Variants in ADCY1 observed in about 807,000 individuals in gnomAD.
ADCY1 encodes the protein adenylate cyclase type 1.
ADCY1 carries 28 observed loss-of-function variants against 105.4 expected under a neutral mutation model. That is an observed-to-expected ratio of 0.27 (90% CI 0.20 to 0.36). ADCY1 has a LOEUF of 0.36. Among genes scored for constraint, ADCY1 ranks in the 10% least tolerant of loss-of-function variants. The pLI is 1.00. For missense variants in ADCY1, 977 were observed against 1,434.2 expected (o/e 0.68, Z 5.15); for synonymous variants, 655 against 623.8 (o/e 1.05, Z -0.75).
intron 5 of ADCY1, among the ~76,000 whole-genome samples, chr7:45,655,435 G>A (rs556470381): frequency 1.3e-5 from 2 of 152,338 alleles, no homozygotes; most frequent in East Asian, 3.9e-4. Flanking sequence ...ATAAAGCCAA[G>A]AAAGTCCGTG....
chr7:45,722,741 G>A lies in ADCY1; in HGVS notation c.*8746G>A, dbSNP rs1483257782. ...CTCTATGGAATGGAGAGTGATGTGG[G>A]CAAGGGTGTCATTTTCTCGCACAAT... On this transcript the variant is annotated 3_prime_UTR_variant, in exon 20 of 20. Transcript: ENST00000297323. 6.6e-6 allele frequency: 1 copy of A among 152,566 alleles called. No homozygotes were observed. The highest frequency in any genetic ancestry group is 1.5e-5 in the Non-Finnish European group (1 of 68,016). The allele number at this position is 152,566 out of a possible 1,614,324, so 9.5% of individuals were successfully genotyped here.
At chr7:45,578,382 A>G (rs10807926) in intron 1 of ADCY1, among the ~76,000 whole-genome samples, 63,417 of 151,984 alleles carry the variant, frequency 0.42, 13,552 homozygotes, top group East Asian at 0.53. Flanking sequence ...TTGGGTCACT[A>G]ATTGTACCTA....
At position 45,699,125 on chromosome 7, in the gene ADCY1, T is replaced by G. The variant is rs571450142; in HGVS notation, c.2455-4251T>G. On this transcript the variant is annotated intron_variant, in intron 14 of 19. Coordinates refer to ENST00000297323, the MANE Select transcript of ADCY1 (RefSeq NM_021116.4). ...TGCCTGGGAGAAGCCTTAGCCAGCT[T>G]GCTGGGCTCAGCCTGGACATCCAGG... is the stretch of plus-strand genomic sequence containing the variant. Among the ~76,000 whole-genome samples the G allele has an allele frequency of 3.3e-5, 5 of 152,318 alleles. No individual in the cohort carries two copies. In the East Asian group the frequency reaches 9.7e-4, roughly 29 times the overall value.
rs930260103 is a variant in ADCY1 at position 45,595,469 on chromosome 7, C to T, written c.789+2561C>T. On this transcript the variant is annotated intron_variant, in intron 2 of 19. Coordinates refer to ENST00000297323, the MANE Select transcript of ADCY1 (RefSeq NM_021116.4). ...TTGTCACCTCCTGTTTCCCCTGCCC[C>T]TTTCCGTTTACTAAGGCTGACGGCG... is the stretch of plus-strand genomic sequence containing the variant. Among the ~76,000 whole-genome samples the T allele has an allele frequency of 4.6e-5, 7 of 152,326 alleles. No homozygotes were observed. In the East Asian group the frequency reaches 1.4e-3, roughly 29 times the overall value.
chr7:45,676,690 G>A (rs994125630), intron 8 of ADCY1, among the ~76,000 whole-genome samples: 1 of 152,112 alleles, frequency 6.6e-6, no homozygotes, highest in African/African-American at 2.4e-5. Flanking sequence ...TTACCACTCA[G>A]TGGAGATGAG....
intron 1 of ADCY1, among the ~76,000 whole-genome samples, chr7:45,581,021 G>A (rs550436970): frequency 2.6e-4 from 40 of 152,298 alleles, no homozygotes; most frequent in Non-Finnish European, 5.1e-4. Flanking sequence ...AAATGTCCTT[G>A]GACCATTTCC....
intron 1 of ADCY1, among the ~76,000 whole-genome samples, chr7:45,576,246 G>C (rs1434854513): frequency 1.3e-5 from 2 of 152,156 alleles, no homozygotes; most frequent in Non-Finnish European, 2.9e-5. Flanking sequence ...AGAATAACTG[G>C]GGGGCGGTGG....
At chr7:45,683,175 T>G (rs1784595230) in intron 11 of ADCY1, among the ~76,000 whole-genome samples, 2 of 152,160 alleles carry the variant, frequency 1.3e-5, no homozygotes, top group African/African-American at 4.8e-5. Context: ...TAGTGAACAT[T>G]CATATGGGAC....
intron 2 of ADCY1, among the ~76,000 whole-genome samples, chr7:45,605,512 A>G (rs935321554): frequency 1.3e-5 from 2 of 151,924 alleles, no homozygotes; most frequent in African/African-American, 4.8e-5. Flanking sequence ...AGTTTTCATC[A>G]TAAATAGATG....
At chr7:45,616,672 A>G (rs1392525771) in intron 3 of ADCY1, among the ~76,000 whole-genome samples, 3 of 152,238 alleles carry the variant, frequency 2.0e-5, no homozygotes, top group African/African-American at 7.2e-5. Flanking sequence ...TCAACAAAAT[A>G]AAAGCTATGT....
intron 14 of ADCY1, among the ~76,000 whole-genome samples, chr7:45,696,621 G>T (rs1295507760): frequency 6.6e-6 from 1 of 152,146 alleles, no homozygotes; most frequent in East Asian, 1.9e-4. Context: ...CGTGCTCAGG[G>T]TCAGGCTCTC....
chr7:45,622,478 G>T (rs1793929107), intron 3 of ADCY1, among the ~76,000 whole-genome samples, 154 bp from the exon 4 acceptor site: 1 of 152,164 alleles, frequency 6.6e-6, no homozygotes, highest in Non-Finnish European at 1.5e-5. Context: ...CCTGTATGAT[G>T]GGAACCAGGA....
intron 1 of ADCY1, among the ~76,000 whole-genome samples, chr7:45,590,340 T>C (rs973739525): frequency 1.3e-5 from 2 of 152,182 alleles, no homozygotes; most frequent in Non-Finnish European, 2.9e-5. Flanking sequence ...TTCTTCCTAA[T>C]TGTCGTTTTT....
At chr7:45,609,547 A>G (rs998684343) in intron 2 of ADCY1, among the ~76,000 whole-genome samples, 2 of 152,166 alleles carry the variant, frequency 1.3e-5, no homozygotes, top group African/African-American at 4.8e-5. Flanking sequence ...TCTACGTGGG[A>G]TTTAAACTCT....
Position 45,692,183 on chromosome 7 carries a change from C to T in ADCY1, c.2454+5510C>T, listed in dbSNP as rs76297263. On this transcript the variant is annotated intron_variant, in intron 14 of 19. Transcript: ENST00000297323. Reference sequence around the variant, plus strand: ...CCTCAGGACCCCACATCCATCAGGCCCCATGCCCACTGGAAATACACCCTT... The same window carrying T: ...CCTCAGGACCCCACATCCATCAGGCTCCATGCCCACTGGAAATACACCCTT... 2.4e-3 allele frequency among the ~76,000 whole-genome samples: 367 copies of T among 152,296 alleles called. 2 individuals are homozygous for T. Among genetic ancestry groups the T allele is most frequent in the African/African-American group, 8.7e-3 (360 of 41,550 alleles).
In ADCY1 at chr7:45,710,256, C is replaced by T. The variant is rs75649320; in HGVS notation, c.2933-272C>T. ...GGGACTTTTATTTAGGATCAGGACT[C>T]GTTTTGAACAGCCAGTGCTGTTCCC... On this transcript the variant is annotated intron_variant, in intron 18 of 19. Transcript: ENST00000297323. This position sits in a 1 kb window ranked among gnomAD's most constrained non-coding sequence, Gnocchi z 4.7. Among the ~76,000 whole-genome samples the T allele has an allele frequency of 3.3e-5, 5 of 152,282 alleles. No homozygotes were observed. Among genetic ancestry groups the T allele is most frequent in the East Asian group, 3.9e-4 (2 of 5,168 alleles).
At chr7:45,618,566 G>C (rs1793805880) in intron 3 of ADCY1, among the ~76,000 whole-genome samples, 1 of 152,138 alleles carries the variant, frequency 6.6e-6, no homozygotes, top group African/African-American at 2.4e-5. Flanking sequence ...CATCTGAATA[G>C]GCATTTCTCA....
intron 5 of ADCY1, among the ~76,000 whole-genome samples, chr7:45,649,422 G>A (rs993675150): frequency 1.3e-5 from 2 of 152,194 alleles, no homozygotes; most frequent in Admixed American, 1.3e-4. Flanking sequence ...ATGGAGTGTA[G>A]ATCCAAACAA....
At position 45,719,417 on chromosome 7, in the gene ADCY1, G is replaced by T. The variant is rs1451674272; in HGVS notation, c.*5422G>T. Reference sequence around the variant, plus strand: ...TGTGAGGATATCTGTCACCTGCGTGGTCCATTCCATAAACACCAGATTCCA... The same window carrying T: ...TGTGAGGATATCTGTCACCTGCGTGTTCCATTCCATAAACACCAGATTCCA... On this transcript the variant is annotated 3_prime_UTR_variant, in exon 20 of 20. Coordinates refer to ENST00000297323, the MANE Select transcript of ADCY1 (RefSeq NM_021116.4). 6.6e-6 allele frequency: 1 copy of T among 152,224 alleles called. No homozygotes were observed. Among genetic ancestry groups the T allele is most frequent in the Non-Finnish European group, 1.5e-5 (1 of 68,038 alleles). The allele number at this position is 152,224 out of a possible 1,614,324, so 9.4% of individuals were successfully genotyped here.
Sources: gnomAD v4.1 joint callset for allele counts (sites outside exome capture counted in the v4.1 genomes callset) on GRCh38, gnomAD v4.1.1 for gene constraint, Gnocchi (gnomAD v3.1) non-coding constraint, MANE v1.5 for transcripts, NCBI Gene and HGNC (gene_info 2026-07-23, HGNC 2026-07-21) for gene names.